Variants in RP2 observed in about 807,000 individuals in gnomAD.
The protein encoded by RP2 is protein XRP2.
RP2 carries 3 observed loss-of-function variants against 20.3 expected under a neutral mutation model. The observed-to-expected ratio is 0.15, with a 90% CI of 0.07 to 0.38. RP2 has a LOEUF of 0.38. RP2 is among the 10% of genes least tolerant of loss of function. The pLI is 1.00. For missense variants in RP2, 233 were observed against 268.5 expected (o/e 0.87, Z 0.92); for synonymous variants, 75 against 94.8 (o/e 0.79, Z 1.22).
chrX:46,837,111 T>G lies in RP2; in HGVS notation c.11T>G (p.Phe4Cys), dbSNP rs782190396. ...CCGCGGGCTGGGACCATGGGCTGCTTCTTCTCCAAGAGACGGAAGGCTGAC... is the reference window on the plus strand; with the variant it reads ...CCGCGGGCTGGGACCATGGGCTGCTGCTTCTCCAAGAGACGGAAGGCTGAC... MGC[F>C]FSKRRKADKE... is the part of the protein sequence containing the mutation. The change falls in exon 1 of 5, where the codon TTC becomes TGC. Residue 4 changes from phenylalanine to cysteine, a missense_variant. Phe to Cys is a radical substitution (Grantham distance 205). This residue lies in a region of RP2 where 77 missense variants were observed against 71.8 expected (regional missense o/e 1.07). Transcript: ENST00000218340. The G allele has an allele frequency of 2.8e-5, 33 of 1,166,811 alleles. No individual in the cohort carries two copies. The highest frequency in any genetic ancestry group is 2.3e-4 in the East Asian group (7 of 30,738).
intron 1 of RP2, among the ~76,000 whole-genome samples, chrX:46,842,321 A>G (rs1202066036): frequency 8.9e-6 from 1 of 112,113 alleles, no homozygotes; most frequent in African/African-American, 3.2e-5. Context: ...ATATTTCAAA[A>G]TAGCTAGAAG....
chrX:46,837,168 G>T lies in RP2; in HGVS notation c.68G>T (p.Arg23Leu). 8.5e-7 allele frequency: 1 copy of T among 1,170,741 alleles called. No individual in the cohort carries two copies. Among genetic ancestry groups the T allele is most frequent in the Non-Finnish European group, 1.1e-6 (1 of 874,732 alleles). ...TCGCGGCCCGAGAACGAGGAGGAGC[G>T]GCCAAAGCAGTACAGCTGGGATCAG... is the stretch of plus-strand genomic sequence containing the variant. ...KESRPENEEE[R>L]PKQYSWDQRE... The change falls in exon 1 of 5, where the codon CGG becomes CTG. Residue 23 changes from arginine to leucine, a missense_variant. This residue lies in a region of RP2 where 77 missense variants were observed against 71.8 expected (regional missense o/e 1.07). Transcript: ENST00000218340.
intron 1 of RP2, among the ~76,000 whole-genome samples, chrX:46,845,507 A>G (rs1457497288): frequency 8.9e-6 from 1 of 111,869 alleles, no homozygotes; most frequent in East Asian, 2.8e-4. Context: ...GAGTTTTGAC[A>G]AATAAATACA....
chrX:46,878,171 G>A (rs1484360907), intron 4 of RP2, among the ~76,000 whole-genome samples: 1 of 109,577 alleles, frequency 9.1e-6, no homozygotes, highest in Non-Finnish European at 1.9e-5. Flanking sequence ...TCAGGAGATC[G>A]AGACCATCCC....
chrX:46,879,311 G>A lies in RP2; in HGVS notation c.970-375G>A, dbSNP rs143456496. On this transcript the variant is annotated intron_variant, in intron 4 of 4. Transcript: ENST00000218340. Reference sequence around the variant, plus strand: ...TTTGAAAGGGATAATCTCAAGTTTTGCTGCTCAGACTACTGAGATTATTAT... The same window carrying A: ...TTTGAAAGGGATAATCTCAAGTTTTACTGCTCAGACTACTGAGATTATTAT... Among the ~76,000 whole-genome samples the A allele has an allele frequency of 5.2e-3, 560 of 107,393 alleles. 2 individuals are homozygous for A. Among genetic ancestry groups the A allele is most frequent in the African/African-American group, 0.017 (524 of 30,295 alleles). The allele number at this position is 107,393 out of a possible 115,157, so 93.3% of individuals were successfully genotyped here. A position where few individuals can be genotyped will look rare whatever the true frequency, so the allele number is the denominator to read the frequency against.
At chrX:46,848,355 C>T (rs1924794481) in intron 1 of RP2, among the ~76,000 whole-genome samples, 3 of 107,516 alleles carry the variant, frequency 2.8e-5, no homozygotes, top group Non-Finnish European at 3.8e-5. Flanking sequence ...TGATATCAGA[C>T]GAATTACAAC....
intron 1 of RP2, among the ~76,000 whole-genome samples, chrX:46,848,786 T>G (rs1556317618): frequency 9.2e-6 from 1 of 108,997 alleles, no homozygotes; most frequent in Non-Finnish European, 1.9e-5. Flanking sequence ...TCCAGCACTT[T>G]GGGAGGCTGA....
At chrX:46,847,741 CAT>C (rs782261996) in intron 1 of RP2, among the ~76,000 whole-genome samples, 1,429 of 85,844 alleles carry the variant, frequency 0.017, 31 homozygotes, top group African/African-American at 0.037. Flanking sequence ...TATATACACA[CAT>C]ATGTGTGTGT....
rs1005343594 is a variant in RP2, at chrX:46,866,014, C to G, written c.883+5912C>G. Among the ~76,000 whole-genome samples the G allele has an allele frequency of 2.7e-5, 3 of 111,285 alleles. No individual in the cohort carries two copies. The East Asian group carries it at 8.4e-4, about 31-fold the overall frequency. On this transcript the variant is annotated intron_variant, in intron 3 of 4. Transcript: ENST00000218340. ...GTATTTTGTTCTTTTAAGTTATAAT[C>G]CAATACTATCAAATTGTTCTGGTTT...
Position 46,853,609 on chromosome X carries a change from C to T in RP2, c.236C>T (p.Ala79Val). The T allele has an allele frequency of 8.3e-7, 1 of 1,211,235 alleles. No homozygotes were observed. The highest frequency in any genetic ancestry group is 1.1e-6 in the Non-Finnish European group (1 of 895,105). Residue 79 changes from alanine (A) to valine (V), a missense_variant, in exon 2 of 5, where the codon GCT becomes GTT. Around this residue, in one of 3 missense-constraint regions of RP2, gnomAD observed 77 missense variants for 71.8 expected, o/e 1.07. Coordinates refer to ENST00000218340, the MANE Select transcript of RP2 (RefSeq NM_006915.3). Reference protein sequence around the residue: ...NCNIYIFDHSATVTIDDCTNC... With the variant: ...NCNIYIFDHSVTVTIDDCTNC... ...AACATCTATATTTTTGATCACTCTG[C>T]TACAGTTACCATTGATGACTGTACT... is the stretch of plus-strand genomic sequence containing the variant.
intron 3 of RP2, among the ~76,000 whole-genome samples, chrX:46,863,136 TAA>T (rs1323989367): frequency 8.9e-6 from 1 of 111,916 alleles, no homozygotes; most frequent in Admixed American, 9.5e-5. Flanking sequence ...GAGTGAGCTG[TAA>T]AAAGCATTTT....
chrX:46,838,082 A>AT (rs1264343995), intron 1 of RP2, among the ~76,000 whole-genome samples: 1 of 112,450 alleles, frequency 8.9e-6, no homozygotes, highest in East Asian at 2.8e-4. Flanking sequence ...CCCAAACAAA[A>AT]TGAGAGATTT....
chrX:46,845,987 C>T (rs782593970), intron 1 of RP2, among the ~76,000 whole-genome samples: 1 of 111,176 alleles, frequency 9.0e-6, no homozygotes, highest in South Asian at 3.7e-4. Flanking sequence ...GCTGGTCTTG[C>T]ACTCCTGAGC....
Position 46,837,200 on chromosome X carries a change from A to G in RP2, c.100A>G (p.Lys34Glu), listed in dbSNP as rs782473693. The G allele has an allele frequency of 8.6e-7, 1 of 1,166,018 alleles. No homozygotes were observed. The highest frequency in any genetic ancestry group is 2.6e-5 in the Admixed American group (1 of 38,846). The change falls in exon 1 of 5, where the codon AAG becomes GAG. Residue 34 changes from lysine to glutamate, a missense_variant and splice_region_variant. By Grantham distance (56) the Lys-to-Glu change is moderately conservative (BLOSUM62 1). Around this residue, in one of 3 missense-constraint regions of RP2, gnomAD observed 77 missense variants for 71.8 expected, o/e 1.07. Transcript: ENST00000218340. ...GCAGTACAGCTGGGATCAGCGCGAG[A>G]AGGTAATGAAAGTCGTGTAGCCGCC... is the stretch of plus-strand genomic sequence containing the variant. ...PKQYSWDQRE[K>E]VDPKDYMFSG... is the part of the protein sequence containing the mutation.
At chrX:46,864,594 A>G (rs1392604176) in intron 3 of RP2, among the ~76,000 whole-genome samples, 1 of 110,354 alleles carries the variant, frequency 9.1e-6, no homozygotes, top group Non-Finnish European at 1.9e-5. Context: ...TATTTTTTGT[A>G]GAGATGGCAT....
Position 46,879,858 on chromosome X carries a change from G to T in RP2, c.*89G>T. 1.9e-6 allele frequency: 1 copy of T among 518,774 alleles called. No homozygotes were observed. Among genetic ancestry groups the T allele is most frequent in the South Asian group, 4.0e-5 (1 of 24,704 alleles). The allele number at this position is 518,774 out of a possible 1,213,427, so 42.8% of individuals were successfully genotyped here. ...AATACACTTTTGTGTATTAGCAATG[G>T]TTTTTACTAATGCTAAAACTTTTAA... is the stretch of plus-strand genomic sequence containing the variant. On this transcript the variant is annotated 3_prime_UTR_variant, in exon 5 of 5. Coordinates refer to ENST00000218340, the MANE Select transcript of RP2 (RefSeq NM_006915.3).
Position 46,837,114 on chromosome X carries a change from T to C in RP2, c.14T>C (p.Phe5Ser). 5.1e-6 allele frequency: 6 copies of C among 1,168,267 alleles called. No homozygotes were observed. The highest frequency in any genetic ancestry group is 5.7e-6 in the Non-Finnish European group (5 of 873,346). MGCF[F>S]SKRRKADKES... ...CGGGCTGGGACCATGGGCTGCTTCTTCTCCAAGAGACGGAAGGCTGACAAG... is the reference window on the plus strand; with the variant it reads ...CGGGCTGGGACCATGGGCTGCTTCTCCTCCAAGAGACGGAAGGCTGACAAG... Residue 5 changes from phenylalanine (F) to serine (S), a missense_variant, in exon 1 of 5, where the codon TTC becomes TCC. Phe to Ser is a radical substitution (Grantham distance 155). This residue lies in a region of RP2 where 77 missense variants were observed against 71.8 expected (regional missense o/e 1.07). Coordinates refer to ENST00000218340, the MANE Select transcript of RP2 (RefSeq NM_006915.3).
intron 1 of RP2, among the ~76,000 whole-genome samples, chrX:46,849,222 G>A (rs782691673): frequency 8.4e-5 from 9 of 107,405 alleles, no homozygotes; most frequent in Admixed American, 2.0e-4. Flanking sequence ...TCAGGGTCTT[G>A]CTTTGTCACC....
intron 3 of RP2, among the ~76,000 whole-genome samples, chrX:46,873,980 C>T (rs782004896): frequency 9.3e-6 from 1 of 108,047 alleles, no homozygotes; most frequent in African/African-American, 3.4e-5. Context: ...TGTCTGTCTT[C>T]TAGCACCACC....
Sources: allele counts gnomAD v4.1 joint callset (sites outside exome capture counted in the v4.1 genomes callset), GRCh38; gene constraint gnomAD v4.1.1; regional missense constraint gnomAD v4.1.1; transcripts MANE v1.5; gene names NCBI Gene and HGNC (gene_info 2026-07-23, HGNC 2026-07-21).